Variants in SLC45A4 observed in about 807,000 individuals in gnomAD.
SLC45A4 encodes polyamine-transporter SLC45A4.
A neutral mutation model predicts 63.7 loss-of-function variants in SLC45A4; 32 were observed. The observed-to-expected ratio is 0.50, with a 90% CI of 0.38 to 0.67. The LOEUF is 0.67. Among genes scored for constraint, SLC45A4 ranks in the 30% least tolerant of loss-of-function variants. The probability of loss-of-function intolerance (pLI) is 0.00; values close to 1 mark genes in which losing one functional copy is unlikely to be tolerated. For missense variants in SLC45A4, 1,027 were observed against 1,157.7 expected, an observed-to-expected ratio of 0.89 and a Z score of 1.64; for synonymous variants, 535 against 510.0, an observed-to-expected ratio of 1.05 and a Z score of -0.66.
rs1259710325 is a variant in SLC45A4 at position 141,227,825 on chromosome 8, G to A, written c.242-6060C>T. Among the ~76,000 whole-genome samples, 1 of 152,212 alleles carries A rather than the reference G, an allele frequency of 6.6e-6. No homozygotes were observed. The highest frequency in any genetic ancestry group is 2.4e-5 in the African/African-American group (1 of 41,452). ...ACAAACCGGCCCGTCATTTAGGGTG[G>A]AGGGGACAGCAGCACCTTGAGTGTT... is the stretch of plus-strand genomic sequence containing the variant. On this transcript the variant is annotated intron_variant, in intron 2 of 8. Coordinates refer to ENST00000517878, the MANE Select transcript of SLC45A4 (RefSeq NM_001286646.2). This position sits in a 1 kb window ranked among gnomAD's most constrained non-coding sequence, Gnocchi z 4.4.
At chr8:141,255,443 C>T (rs1369300446) in intron 1 of SLC45A4, among the ~76,000 whole-genome samples, 1 of 152,182 alleles carries the variant, frequency 6.6e-6, no homozygotes, top group Non-Finnish European at 1.5e-5. Flanking sequence ...CAGCTGGGCA[C>T]GGTGGCTTAA....
At chr8:141,286,001 C>A (rs773687966) in intron 1 of SLC45A4, among the ~76,000 whole-genome samples, 1 of 152,204 alleles carries the variant, frequency 6.6e-6, no homozygotes, top group Non-Finnish European at 1.5e-5. Flanking sequence ...TGGGGGCAGA[C>A]GTGAGCGGCA....
At chr8:141,293,707 C>T (rs1769432015) in intron 1 of SLC45A4, among the ~76,000 whole-genome samples, 1 of 152,088 alleles carries the variant, frequency 6.6e-6, no homozygotes, top group Non-Finnish European at 1.5e-5. Flanking sequence ...CCGAGGCGGG[C>T]AGATTGCCTG....
chr8:141,296,499 T>C (rs1830555355), intron 1 of SLC45A4, among the ~76,000 whole-genome samples: 1 of 57,426 alleles, frequency 1.7e-5, no homozygotes, highest in Non-Finnish European at 3.4e-5. Context: ...ACCTCATTTC[T>C]TAAAAAAAAA....
In SLC45A4 at chr8:141,207,601, G is replaced by A. The variant is rs946570320; in HGVS notation, c.*3971C>T. ...TAAATAGTTTCGTTCCGAGATGCCT[G>A]GGGAGTTTCTCTGGCAACGAGGCAT... is the stretch of plus-strand genomic sequence containing the variant. On this transcript the variant is annotated 3_prime_UTR_variant, in exon 9 of 9. Coordinates refer to ENST00000517878, the MANE Select transcript of SLC45A4 (RefSeq NM_001286646.2). 2.0e-5 allele frequency: 3 copies of A among 152,264 alleles called. No homozygotes were observed. Among genetic ancestry groups the A allele is most frequent in the Non-Finnish European group, 4.4e-5 (3 of 68,062 alleles). The allele number at this position is 152,264 out of a possible 1,614,324, so 9.4% of individuals were successfully genotyped here.
At position 141,254,133 on chromosome 8, in the gene SLC45A4, C is replaced by A. The variant is rs1386020935; in HGVS notation, c.97G>T (p.Ala33Ser). The A allele has an allele frequency of 2.0e-6, 3 of 1,536,068 alleles. No individual in the cohort carries two copies. The highest frequency in any genetic ancestry group is 2.6e-6 in the Non-Finnish European group (3 of 1,146,930). Residue 33 changes from alanine (A) to serine (S), a missense_variant, in exon 2 of 9, where the codon GCC becomes TCC. By Grantham distance (99) the Ala-to-Ser change is moderately conservative (BLOSUM62 1). Transcript: ENST00000517878. This position sits in a 1 kb window ranked among gnomAD's most constrained non-coding sequence, Gnocchi z 4.5. The part of the protein sequence containing the change: ...PDPQKAGGAE[A>S]ENCETISEGS... ...TCGCTGATGGTCTCGCAGTTCTCGG[C>A]CTCTGCGCCTCCGGCTTTCTGCGGG...
intron 2 of SLC45A4, among the ~76,000 whole-genome samples, chr8:141,231,140 G>A (rs1291352648): frequency 2.0e-5 from 3 of 152,216 alleles, no homozygotes; most frequent in Non-Finnish European, 2.9e-5. Flanking sequence ...AGGTCACCCC[G>A]GAAGAGAAAG....
rs368300870 is a variant in SLC45A4 at position 141,218,655 on chromosome 8, C to T, written c.985G>A (p.Asp329Asn). The change falls in exon 5 of 9, where the codon GAC (aspartate) becomes AAC (asparagine). Residue 329 changes from aspartate (D) to asparagine (N), a missense_variant. Asp to Asn is a conservative substitution (Grantham distance 23). Transcript: ENST00000517878. Reference sequence around the variant, plus strand: ...TCGTGGAAGATGGAGGGCTCGATGTCGTGCAGGAACAGCAGCTCGGGCTCC... The same window carrying T: ...TCGTGGAAGATGGAGGGCTCGATGTTGTGCAGGAACAGCAGCTCGGGCTCC... Reference protein sequence around the residue: ...DLEPELLFLHDIEPSIFHDAS... With the variant: ...DLEPELLFLHNIEPSIFHDAS... The T allele has an allele frequency of 1.4e-5, 23 of 1,613,154 alleles. No homozygotes were observed. The highest frequency in any genetic ancestry group is 4.4e-5 in the South Asian group (4 of 91,040).
rs1158345298 is a variant in SLC45A4, at chr8:141,277,930, T to C, written c.-400-23301A>G. ...GTGAAAAAAACAATTTTTTAAGAGA[T>C]AAGGTCTCACCATGTGGTCCAGGCT... On this transcript the variant is annotated intron_variant, in intron 1 of 8. Transcript: ENST00000517878. Among the ~76,000 whole-genome samples the C allele has an allele frequency of 1.2e-4, 18 of 152,288 alleles. No individual in the cohort carries two copies. The East Asian group carries it at 1.5e-3, about 13-fold the overall frequency.
At chr8:141,245,901 CATT>C (rs1022634910) in intron 2 of SLC45A4, among the ~76,000 whole-genome samples, 2 of 152,162 alleles carry the variant, frequency 1.3e-5, no homozygotes, top group Non-Finnish European at 2.9e-5. Context: ...CACACACGGG[CATT>C]AGCTGGCTGC....
chr8:141,236,273 T>C (rs1827622864), intron 2 of SLC45A4, among the ~76,000 whole-genome samples: 1 of 152,176 alleles, frequency 6.6e-6, no homozygotes, highest in Admixed American at 6.5e-5. Context: ...GAGAAAGCCG[T>C]CCCTGGATCT....
At chr8:141,258,578 G>A (rs1244291091) in intron 1 of SLC45A4, among the ~76,000 whole-genome samples, 1 of 152,164 alleles carries the variant, frequency 6.6e-6, no homozygotes, top group African/African-American at 2.4e-5. Context: ...TTCAGCCTGT[G>A]CAACAGTCAG....
chr8:141,240,729 G>C (rs897188526), intron 2 of SLC45A4, among the ~76,000 whole-genome samples: 2 of 152,232 alleles, frequency 1.3e-5, no homozygotes, highest in African/African-American at 4.8e-5. Context: ...CTGGGTGACA[G>C]AGCGAGACCC....
chr8:141,220,792 AG>A (rs535628275), intron 3 of SLC45A4, among the ~76,000 whole-genome samples: 1 of 152,352 alleles, frequency 6.6e-6, no homozygotes, highest in East Asian at 1.9e-4. Context: ...ACCACCCCCA[AG>A]GACACAGCCC....
chr8:141,252,095 T>G (rs1434220539), intron 2 of SLC45A4, among the ~76,000 whole-genome samples: 2 of 150,842 alleles, frequency 1.3e-5, no homozygotes, highest in Non-Finnish European at 2.9e-5. Context: ...TACTTTACCA[T>G]GCAATATGTT....
intron 1 of SLC45A4, among the ~76,000 whole-genome samples, chr8:141,273,238 A>G (rs903920290): frequency 3.3e-5 from 5 of 152,146 alleles, no homozygotes; most frequent in African/African-American, 1.2e-4. Context: ...AGGTTTTTGG[A>G]TTTTTAATTA....
At chr8:141,235,497 C>A (rs1181577998) in intron 2 of SLC45A4, among the ~76,000 whole-genome samples, 2 of 152,194 alleles carry the variant, frequency 1.3e-5, no homozygotes, top group South Asian at 2.1e-4. Context: ...GTGAACCCCA[C>A]AACGATTCTA....
At position 141,254,599 on chromosome 8, in the gene SLC45A4, G is replaced by C. The variant is rs1015733269; in HGVS notation, c.-370C>G. On this transcript the variant is annotated 5_prime_UTR_variant, in exon 2 of 9. Transcript: ENST00000517878. The surrounding 1 kb of genome is among the most constrained non-coding windows in gnomAD (Gnocchi z 4.5). Reference sequence around the variant, plus strand: ...GGAAGGTGATACAAACAGGTGGTCCGCTGGTAATCCCCATCGAGTGACTGG... The same window carrying C: ...GGAAGGTGATACAAACAGGTGGTCCCCTGGTAATCCCCATCGAGTGACTGG... The C allele has an allele frequency of 1.4e-6, 1 of 701,618 alleles. No individual in the cohort carries two copies. The allele number at this position is 701,618 out of a possible 1,614,324, so 43.5% of individuals were successfully genotyped here.
At chr8:141,301,721 T>C (rs1470915627) in intron 1 of SLC45A4, among the ~76,000 whole-genome samples, 3 of 60,690 alleles carry the variant, frequency 4.9e-5, no homozygotes, top group Non-Finnish European at 9.9e-5. Context: ...GGGGACAGAA[T>C]GAGACCCTAT....
Sources: allele counts gnomAD v4.1 joint callset (sites outside exome capture counted in the v4.1 genomes callset), GRCh38; gene constraint gnomAD v4.1.1; non-coding constraint Gnocchi (gnomAD v3.1); transcripts MANE v1.5; gene names NCBI Gene and HGNC (gene_info 2026-07-23, HGNC 2026-07-21).